Variants in DAPK2 observed in about 807,000 individuals in gnomAD.
DAPK2 encodes the protein death associated protein kinase 2.
In DAPK2, 35 loss-of-function variants were observed where a neutral mutation model predicts 44.1. The ratio of observed to expected loss-of-function variants is 0.79; its 90% CI spans 0.61 to 1.05. The LOEUF is 1.05. Ranked by LOEUF, DAPK2 falls within the 50% of genes least tolerant of loss-of-function variation. DAPK2 has a pLI of 0.00. For synonymous variants in DAPK2, 174 were observed against 182.6 expected, an observed-to-expected ratio of 0.95 and a Z score of 0.38; for missense variants, 453 against 483.2, an observed-to-expected ratio of 0.94 and a Z score of 0.59.
chr15:63,908,541 C>A lies in DAPK2; in HGVS notation c.1092G>T (p.Arg364=). The change falls in exon 11 of 11, where the codon CGG becomes CGT. Residue 364 remains arginine (R), a synonymous_variant. Coordinates refer to ENST00000261891, the Ensembl canonical transcript of DAPK2. This position sits in a 1 kb window ranked among gnomAD's most constrained non-coding sequence, Gnocchi z 5.7. ...CCAGTTAGGAGGTGCTGCTCCTCCT[C>A]CGTGGGTGGAGGGCTTTCCTCCTGG... is the stretch of plus-strand genomic sequence containing the variant. 6 of 1,599,802 alleles carry A rather than the reference C, an allele frequency of 3.8e-6. No individual in the cohort carries two copies. Among genetic ancestry groups the A allele is most frequent in the Non-Finnish European group, 5.1e-6 (6 of 1,174,542 alleles).
exon 7 of DAPK2, chr15:63,926,043 G>C (rs1567207541): frequency 2.5e-6 from 4 of 1,613,928 alleles, no homozygotes; most frequent in Non-Finnish European, 3.4e-6. Flanking sequence ...TGTGATATTT[G>C]CCAGTGTTTC....
intron 1 of DAPK2, among the ~76,000 whole-genome samples, chr15:63,996,749 G>A (rs1163271279): frequency 6.6e-6 from 1 of 152,202 alleles, no homozygotes; most frequent in Non-Finnish European, 1.5e-5. Flanking sequence ...CGGCTAAAGG[G>A]AGTCCCAAAG....
At chr15:64,027,422 A>G (rs2079880544) in intron 1 of DAPK2, among the ~76,000 whole-genome samples, 1 of 151,746 alleles carries the variant, frequency 6.6e-6, no homozygotes, top group Non-Finnish European at 1.5e-5. Flanking sequence ...CCCCAAAATT[A>G]GCCAGGTATG....
At chr15:63,996,711 C>T (rs1208456348) in intron 1 of DAPK2, among the ~76,000 whole-genome samples, 1 of 152,206 alleles carries the variant, frequency 6.6e-6, no homozygotes, top group African/African-American at 2.4e-5. Context: ...GCACGACTTC[C>T]AAAACGGAGC....
At chr15:63,991,093 A>T (rs1419909933) in intron 1 of DAPK2, 1 of 376,636 alleles carries the variant, frequency 2.7e-6, no homozygotes, top group Non-Finnish European at 5.3e-6. Flanking sequence ...ACATTCCCCA[A>T]GGTCAGAGCA....
At chr15:63,967,145 A>C (rs867706128) in intron 3 of DAPK2, among the ~76,000 whole-genome samples, 4 of 152,104 alleles carry the variant, frequency 2.6e-5, no homozygotes, top group Middle Eastern at 3.2e-3. Flanking sequence ...GCACCACTGC[A>C]CTCCAGCCTG....
At chr15:64,024,401 TC>T (rs1221115909) in intron 1 of DAPK2, among the ~76,000 whole-genome samples, 1 of 152,162 alleles carries the variant, frequency 6.6e-6, no homozygotes, top group African/African-American at 2.4e-5. Context: ...GAACAGGACT[TC>T]CTGTTGCCTG....
chr15:63,934,279 A>G, intron 4 of DAPK2, among the ~76,000 whole-genome samples: 1 of 71,446 alleles, frequency 1.4e-5, no homozygotes, highest in Non-Finnish European at 2.7e-5. Flanking sequence ...TTTTTTTGAG[A>G]CTGAGTCTTG....
intron 5 of DAPK2, chr15:63,929,871 C>T (rs955836653): frequency 1.7e-6 from 1 of 571,974 alleles, no homozygotes; most frequent in Admixed American, 2.2e-5. Context: ...GCCCTTCCCC[C>T]CTTGTAAAAT....
intron 1 of DAPK2, among the ~76,000 whole-genome samples, chr15:64,025,329 G>A (rs2079807591): frequency 6.6e-6 from 1 of 152,184 alleles, no homozygotes; most frequent in South Asian, 2.1e-4. Flanking sequence ...TTAGTGCAGG[G>A]CCAGGTATCG....
intron 1 of DAPK2, among the ~76,000 whole-genome samples, chr15:64,027,189 C>G (rs2079872414): frequency 6.6e-6 from 1 of 152,080 alleles, no homozygotes; most frequent in Non-Finnish European, 1.5e-5. Context: ...TCGAGACCAG[C>G]CAGCCAACAT....
intron 3 of DAPK2, among the ~76,000 whole-genome samples, chr15:63,953,625 G>C (rs2077647216): frequency 6.6e-6 from 1 of 152,164 alleles, no homozygotes; most frequent in Non-Finnish European, 1.5e-5. Context: ...CCTTTCTTGT[G>C]GGTATATATC....
At chr15:64,036,117 C>T (rs2141180751) in intron 1 of DAPK2, among the ~76,000 whole-genome samples, 1 of 151,168 alleles carries the variant, frequency 6.6e-6, no homozygotes, top group Admixed American at 6.6e-5. Flanking sequence ...AAAAATTAGC[C>T]AGACATGGTA....
At chr15:63,999,963 C>T (rs749448986) in intron 1 of DAPK2, among the ~76,000 whole-genome samples, 13 of 151,872 alleles carry the variant, frequency 8.6e-5, no homozygotes, top group Non-Finnish European at 1.8e-4. Flanking sequence ...GATGGGGTTT[C>T]GCCATGTTGC....
In DAPK2 at chr15:63,908,338, A is replaced by G; in HGVS notation, c.*182T>C. The G allele has an allele frequency of 2.3e-6, 1 of 428,108 alleles. No homozygotes were observed. Among genetic ancestry groups the G allele is most frequent in the Non-Finnish European group, 4.1e-6 (1 of 241,546 alleles). 26.5% of individuals were successfully genotyped at this position (428,108 alleles called of 1,614,324 possible). On this transcript the variant is annotated 3_prime_UTR_variant, in exon 11 of 11. Transcript: ENST00000261891. This position sits in a 1 kb window ranked among gnomAD's most constrained non-coding sequence, Gnocchi z 5.7. ...AATGCTGGAGCCTCCTCCACAGAAGACAGCCACAGCTCCCAGGGTCTCCTG... is the reference window on the plus strand; with the variant it reads ...AATGCTGGAGCCTCCTCCACAGAAGGCAGCCACAGCTCCCAGGGTCTCCTG...
chr15:63,914,226 C>A (rs556959245), intron 8 of DAPK2, among the ~76,000 whole-genome samples: 22 of 144,916 alleles, frequency 1.5e-4, no homozygotes, highest in Admixed American at 6.8e-5. Flanking sequence ...AGCTCCGGGG[C>A]GGGGGGTGGG....
At chr15:63,936,807 C>T (rs2077166430) in intron 4 of DAPK2, among the ~76,000 whole-genome samples, 1 of 151,246 alleles carries the variant, frequency 6.6e-6, no homozygotes, top group Admixed American at 6.6e-5. Context: ...TAGTGAGACC[C>T]CACCTCAAAA....
intron 8 of DAPK2, chr15:63,922,585 TCAG>T (rs1483217641): frequency 7.1e-7 from 1 of 1,414,976 alleles, no homozygotes; most frequent in East Asian, 2.5e-5. Context: ...AACTGGCACC[TCAG>T]CAATTCTGGA....
intron 1 of DAPK2, among the ~76,000 whole-genome samples, chr15:64,032,176 C>T (rs72755025): frequency 0.055 from 8,318 of 152,088 alleles, 324 homozygotes; most frequent in Admixed American, 0.12. Context: ...GGAGGACGAC[C>T]GGGAAAACCC....
Sources: gnomAD v4.1 joint callset for allele counts (sites outside exome capture counted in the v4.1 genomes callset) on GRCh38, gnomAD v4.1.1 for gene constraint, Gnocchi (gnomAD v3.1) non-coding constraint, MANE v1.5 for transcripts, NCBI Gene and HGNC (gene_info 2026-07-23, HGNC 2026-07-21) for gene names.